Variants in NEK11 observed in about 807,000 individuals in gnomAD.
NEK11 encodes NIMA related kinase 11, also known as serine/threonine-protein kinase Nek11.
A neutral mutation model predicts 80.7 loss-of-function variants in NEK11; 72 were observed. The observed-to-expected ratio is 0.89, with a 90% confidence interval of 0.74 to 1.08. The LOEUF (loss-of-function observed/expected upper bound fraction) is 1.08. NEK11 is among the 50% of genes least tolerant of loss of function. The probability of loss-of-function intolerance (pLI) is 0.00; values close to 1 mark genes in which losing one functional copy is unlikely to be tolerated. For missense variants in NEK11, 764 were observed against 763.6 expected (o/e 1.00, Z -0.01); for synonymous variants, 251 against 260.7 (o/e 0.96, Z 0.36).
intron 14 of NEK11, among the ~76,000 whole-genome samples, chr3:131,171,784 G>A (rs1157605685): frequency 2.0e-5 from 3 of 152,080 alleles, no homozygotes; most frequent in Admixed American, 2.0e-4. Flanking sequence ...TCTCAGTCTT[G>A]TTCACCAGTC....
intron 5 of NEK11, among the ~76,000 whole-genome samples, chr3:131,114,458 T>G (rs929203326): frequency 6.6e-6 from 1 of 152,338 alleles, no homozygotes; most frequent in South Asian, 2.1e-4. Context: ...ATGGGTCATC[T>G]GCAAGTCTGC....
chr3:131,321,745 A>G (rs998853218), intron 17 of NEK11, among the ~76,000 whole-genome samples: 17 of 152,184 alleles, frequency 1.1e-4, no homozygotes, highest in African/African-American at 4.1e-4. Context: ...AACATGCTCA[A>G]CATCACTAAA....
At chr3:131,131,333 C>G (rs1280758729) in intron 5 of NEK11, among the ~76,000 whole-genome samples, 2 of 152,104 alleles carry the variant, frequency 1.3e-5, no homozygotes, top group Non-Finnish European at 2.9e-5. Flanking sequence ...TAGAATTCGC[C>G]AGTGAACCCA....
chr3:131,124,526 G>T (rs1357629696), intron 5 of NEK11, among the ~76,000 whole-genome samples: 3 of 151,992 alleles, frequency 2.0e-5, no homozygotes, highest in Non-Finnish European at 2.9e-5. Context: ...TACCTAACAG[G>T]TCTGAGGAGG....
At chr3:131,053,045 T>C (rs1189268825) in intron 3 of NEK11, among the ~76,000 whole-genome samples, 1 of 152,140 alleles carries the variant, frequency 6.6e-6, no homozygotes, top group Non-Finnish European at 1.5e-5. Context: ...AGCATTAATG[T>C]ACCAAGGAGC....
intron 17 of NEK11, among the ~76,000 whole-genome samples, chr3:131,295,700 C>A (rs549945194): frequency 5.9e-5 from 9 of 152,078 alleles, no homozygotes; most frequent in African/African-American, 2.2e-4. Flanking sequence ...AACTAGTATG[C>A]TATTGATTTC....
intron 4 of NEK11, among the ~76,000 whole-genome samples, chr3:131,097,324 T>C (rs1395863414): frequency 6.6e-6 from 1 of 151,880 alleles, no homozygotes; most frequent in Non-Finnish European, 1.5e-5. Context: ...ACTTCCACAA[T>C]GGTTGAACTA....
intron 3 of NEK11, among the ~76,000 whole-genome samples, chr3:131,051,015 A>AGAGT (rs1432902757): frequency 1.3e-5 from 2 of 152,258 alleles, no homozygotes; most frequent in African/African-American, 4.8e-5. Flanking sequence ...CCTAGGCGAC[A>AGAGT]GAGTGAGACC....
At chr3:131,032,370 A>G (rs913857649) in intron 3 of NEK11, among the ~76,000 whole-genome samples, 3 of 152,344 alleles carry the variant, frequency 2.0e-5, no homozygotes, top group Non-Finnish European at 4.4e-5. Flanking sequence ...TGTAGCCACA[A>G]TGGACTGCTA....
chr3:131,161,381 G>A lies in NEK11; in HGVS notation c.963-1027G>A, dbSNP rs191367011. ...CATTCTATCATAAAGACACATGCAC[G>A]CATATGTTCATTGCAGCATTGTTCA... On this transcript the variant is annotated intron_variant, in intron 10 of 17. Coordinates refer to ENST00000383366, the MANE Select transcript of NEK11 (RefSeq NM_024800.5). 5.3e-5 allele frequency among the ~76,000 whole-genome samples: 8 copies of A among 152,136 alleles called. No homozygotes were observed. In the East Asian group the frequency reaches 7.7e-4, roughly 15 times the overall value.
chr3:131,091,824 T>G (rs906633350), intron 4 of NEK11, among the ~76,000 whole-genome samples: 17 of 152,374 alleles, frequency 1.1e-4, no homozygotes, highest in Admixed American at 8.5e-4. Flanking sequence ...TTGGGCAAAC[T>G]TCAGAACTAG....
intron 17 of NEK11, among the ~76,000 whole-genome samples, chr3:131,305,193 G>T (rs1238386009): frequency 6.6e-6 from 1 of 151,980 alleles, no homozygotes; most frequent in African/African-American, 2.4e-5. Context: ...GTCTACACAT[G>T]CATGGCAGCC....
chr3:131,041,858 T>G (rs1425933433), intron 3 of NEK11, among the ~76,000 whole-genome samples: 3 of 152,118 alleles, frequency 2.0e-5, no homozygotes, highest in African/African-American at 7.2e-5. Flanking sequence ...CCCAGCGAGA[T>G]CAATGCAGAA....
chr3:131,202,907 A>G (rs1008811793), intron 14 of NEK11, among the ~76,000 whole-genome samples: 1 of 152,262 alleles, frequency 6.6e-6, no homozygotes, highest in African/African-American at 2.4e-5. Context: ...TAGAATGGCA[A>G]TCATTAAAAA....
intron 16 of NEK11, among the ~76,000 whole-genome samples, chr3:131,255,851 C>A (rs769578308): frequency 6.6e-6 from 1 of 152,166 alleles, no homozygotes; most frequent in African/African-American, 2.4e-5. Flanking sequence ...GGGTTGCCAA[C>A]TGATTAGACC....
intron 16 of NEK11, among the ~76,000 whole-genome samples, chr3:131,253,633 T>C (rs2095751233): frequency 6.6e-6 from 1 of 152,172 alleles, no homozygotes; most frequent in Admixed American, 6.5e-5. Flanking sequence ...CCTGTCTTAA[T>C]GATTTCCCAG....
At chr3:131,290,195 A>T (rs1026422214) in intron 17 of NEK11, among the ~76,000 whole-genome samples, 8 of 152,174 alleles carry the variant, frequency 5.3e-5, no homozygotes, top group Admixed American at 2.0e-4. Context: ...GCCCTGTTAC[A>T]GTTCTTGGTC....
At chr3:131,049,820 G>GT (rs2068053961) in intron 3 of NEK11, among the ~76,000 whole-genome samples, 1 of 151,794 alleles carries the variant, frequency 6.6e-6, no homozygotes, top group Admixed American at 6.6e-5. Context: ...GGATTTTTTT[G>GT]TTTTTTAAAC....
chr3:131,230,931 A>C (rs2095316832), intron 15 of NEK11, among the ~76,000 whole-genome samples: 1 of 152,054 alleles, frequency 6.6e-6, no homozygotes. Flanking sequence ...AGATCTGATG[A>C]TTTTATAAGG....
Sources: allele counts gnomAD v4.1 joint callset (sites outside exome capture counted in the v4.1 genomes callset), GRCh38; gene constraint gnomAD v4.1.1; transcripts MANE v1.5; gene names NCBI Gene and HGNC (gene_info 2026-07-23, HGNC 2026-07-21).